The following ABCC11 variants were observed in gnomAD, a reference collection of about 807,000 sequenced individuals.
ABCC11 encodes ATP-binding cassette sub-family C member 11.
In ABCC11, 135 loss-of-function variants were observed where a neutral mutation model predicts 149.3. The ratio of observed to expected loss-of-function variants is 0.90; its 90% confidence interval spans 0.79 to 1.04. The LOEUF is 1.04. Ranked by LOEUF, ABCC11 falls within the 50% of genes least tolerant of loss-of-function variation. ABCC11 has a pLI of 0.00. For synonymous variants in ABCC11, 665 were observed against 671.4 expected, an observed-to-expected ratio of 0.99 and a Z score of 0.15; for missense variants, 1,680 against 1,722.1, an observed-to-expected ratio of 0.98 and a Z score of 0.43.
chr16:48,231,408 G>A (rs1053137952), intron 2 of ABCC11, among the ~76,000 whole-genome samples: 22 of 152,124 alleles, frequency 1.4e-4, no homozygotes, highest in African/African-American at 4.6e-4. Flanking sequence ...GCTCATGCTT[G>A]TAATCCCAGT....
intron 10 of ABCC11, among the ~76,000 whole-genome samples, chr16:48,212,160 G>A (rs1968981956): frequency 6.6e-6 from 1 of 152,198 alleles, no homozygotes; most frequent in Non-Finnish European, 1.5e-5. Context: ...GATAAGCAAA[G>A]CACTGTTTGT....
chr16:48,208,533 C>T lies in ABCC11; in HGVS notation c.1609-37G>A, dbSNP rs202219868. The T allele has an allele frequency of 5.8e-5, 93 of 1,611,750 alleles. No homozygotes were observed. The African/African-American group carries it at 1.1e-3, about 19-fold the overall frequency. On this transcript the variant is annotated intron_variant, in intron 11 of 29. Transcript: ENST00000356608. ...GGAGGACATACAAGTGTTGGGACAG[C>T]ATAGCCCTGGCATACCCACCTGCCC...
intron 23 of ABCC11, 148 bp downstream of exon 23, chr16:48,184,292 A>C: frequency 1.0e-6 from 1 of 963,224 alleles, no homozygotes; most frequent in Non-Finnish European, 1.5e-6. Context: ...TACCAATTTC[A>C]GAAGGCCAAG....
At chr16:48,182,616 A>G (rs1023269267) in intron 23 of ABCC11, among the ~76,000 whole-genome samples, 1 of 151,600 alleles carries the variant, frequency 6.6e-6, no homozygotes, top group African/African-American at 2.4e-5. Context: ...CATCTCTACT[A>G]AAAAAAATAC....
intron 23 of ABCC11, among the ~76,000 whole-genome samples, chr16:48,179,600 G>A (rs1033847415): frequency 1.5e-4 from 23 of 152,188 alleles, no homozygotes; most frequent in African/African-American, 5.3e-4. Context: ...TGCAGCAGAT[G>A]TAGGCCTGCC....
chr16:48,241,845 T>G (rs944294501), intron 1 of ABCC11, among the ~76,000 whole-genome samples: 1 of 152,196 alleles, frequency 6.6e-6, no homozygotes, highest in African/African-American at 2.4e-5. Flanking sequence ...TAGCCATATG[T>G]AGAAAGCTGA....
In ABCC11 at chr16:48,205,539, T is replaced by G; in HGVS notation, c.1681-2A>C. ...CACCGAGCCCTCGAGCAAGTGCATC[T>G]GCGGCAGAATGAGTCCAGCCTCAGG... is the stretch of plus-strand genomic sequence containing the variant. On this transcript the variant is annotated splice_acceptor_variant, in intron 12 of 29. Transcript: ENST00000356608. LOFTEE classifies it high-confidence loss of function. 1 of 1,613,392 alleles carries G rather than the reference T, an allele frequency of 6.2e-7. No homozygotes were observed. The highest frequency in any genetic ancestry group is 8.5e-7 in the Non-Finnish European group (1 of 1,179,772).
At chr16:48,204,975 C>T (rs1433008616) in intron 13 of ABCC11, among the ~76,000 whole-genome samples, 1 of 152,174 alleles carries the variant, frequency 6.6e-6, no homozygotes, top group Non-Finnish European at 1.5e-5. Context: ...AACCTCATCA[C>T]TCCCATTTGT....
At chr16:48,180,850 T>C (rs752319215) in intron 23 of ABCC11, among the ~76,000 whole-genome samples, 1 of 152,204 alleles carries the variant, frequency 6.6e-6, no homozygotes, top group African/African-American at 2.4e-5. Context: ...ACTGAAGGAC[T>C]GGGAACTGAG....
chr16:48,246,114 C>A (rs746754774), intron 1 of ABCC11, among the ~76,000 whole-genome samples: 8 of 152,028 alleles, frequency 5.3e-5, no homozygotes, highest in African/African-American at 1.9e-4. Context: ...TACCTCCCCC[C>A]ACCCCCGTTA....
At chr16:48,196,116 T>C in intron 18 of ABCC11, 116 bp downstream of exon 18, 1 of 1,023,650 alleles carries the variant, frequency 9.8e-7, no homozygotes, top group African/African-American at 1.6e-5. Context: ...GGCCAATAAA[T>C]ACCATGGCTC....
chr16:48,205,368 C>T (rs563631544), intron 13 of ABCC11, 45 bp downstream of exon 13: 1 of 1,609,498 alleles, frequency 6.2e-7, no homozygotes, highest in Non-Finnish European at 8.5e-7. Context: ...GCCCCCAGAC[C>T]AGCCACATGC....
intron 14 of ABCC11, among the ~76,000 whole-genome samples, chr16:48,202,656 C>A (rs967817750): frequency 6.6e-6 from 1 of 152,052 alleles, no homozygotes; most frequent in Non-Finnish European, 1.5e-5. Flanking sequence ...AGAGACTACC[C>A]TCCTGAGGTT....
chr16:48,234,372 A>ATT lies in ABCC11; in HGVS notation c.-18-2435_-18-2434dup, dbSNP rs372376936. On this transcript the variant is annotated intron_variant, in intron 1 of 29. Transcript: ENST00000356608. ...ATTTATTTAATTGTAAGTTTATATAATTTTTTTTTTATTAATGTTTGTGTT... is the reference window on the plus strand; with the variant it reads ...ATTTATTTAATTGTAAGTTTATATAATTTTTTTTTTTTATTAATGTTTGTGTT... Among the ~76,000 whole-genome samples the ATT allele has an allele frequency of 2.6e-5, 4 of 151,008 alleles. No individual in the cohort carries two copies. In the South Asian group the frequency reaches 8.4e-4, roughly 32 times the overall value.
At chr16:48,185,080 T>C (rs994421767) in intron 22 of ABCC11, among the ~76,000 whole-genome samples, 10 of 152,196 alleles carry the variant, frequency 6.6e-5, no homozygotes, top group Admixed American at 5.2e-4. Flanking sequence ...AATAACACCA[T>C]GGAAGGCAGA....
intron 26 of ABCC11, among the ~76,000 whole-genome samples, chr16:48,172,950 T>C (rs567697642): frequency 6.6e-6 from 1 of 152,366 alleles, no homozygotes; most frequent in South Asian, 2.1e-4. Context: ...GAGTGAAACC[T>C]GTCAACCTTG....
chr16:48,244,224 G>A (rs556167847), intron 1 of ABCC11: 6 of 556,844 alleles, frequency 1.1e-5, no homozygotes, highest in South Asian at 2.3e-5. Flanking sequence ...GGCTCTCCTA[G>A]AGAGCAGCGC....
intron 7 of ABCC11, among the ~76,000 whole-genome samples, chr16:48,215,823 C>T (rs17822697): frequency 0.048 from 7,243 of 152,214 alleles, 236 homozygotes; most frequent in Middle Eastern, 0.15. Context: ...GGAGAAGAGA[C>T]GGAACAAAAA....
Position 48,244,216 on chromosome 16 carries a change from C to A in ABCC11, c.-19+3098G>T, listed in dbSNP as rs1050840016. ...AGGACGCTCAAGTCTTACCGGGAGGCTCTCCTAGAGAGCAGCGCGAAGCCA... is the reference window on the plus strand; with the variant it reads ...AGGACGCTCAAGTCTTACCGGGAGGATCTCCTAGAGAGCAGCGCGAAGCCA... On this transcript the variant is annotated intron_variant, in intron 1 of 29. Transcript: ENST00000356608. 12 of 524,860 alleles carry A rather than the reference C, an allele frequency of 2.3e-5. No homozygotes were observed. The East Asian group carries it at 4.1e-4, about 18-fold the overall frequency. 32.5% of individuals were successfully genotyped at this position (524,860 alleles called of 1,614,324 possible).
Sources: gnomAD v4.1 joint callset for allele counts (sites outside exome capture counted in the v4.1 genomes callset) on GRCh38, gnomAD v4.1.1 for gene constraint, MANE v1.5 for transcripts, NCBI Gene and HGNC (gene_info 2026-07-23, HGNC 2026-07-21) for gene names.